The following ACO2 variants were observed in gnomAD, a reference collection of about 807,000 sequenced individuals.
The protein encoded by ACO2 is aconitate hydratase, mitochondrial.
ACO2 carries 31 observed loss-of-function variants against 84.5 expected under a neutral mutation model. That is an observed-to-expected ratio of 0.37 (90% CI 0.28 to 0.50). The LOEUF (loss-of-function observed/expected upper bound fraction) is 0.50. Among genes scored for constraint, ACO2 ranks in the 20% least tolerant of loss-of-function variants. The pLI, the probability that ACO2 is intolerant of heterozygous loss-of-function variation, is 0.97. For synonymous variants in ACO2, 414 were observed against 412.7 expected (o/e 1.00, Z -0.04); for missense variants, 685 against 1,029.3 (o/e 0.67, Z 4.58).
intron 2 of ACO2, among the ~76,000 whole-genome samples, chr22:41,507,074 G>A (rs556782886): frequency 6.6e-6 from 1 of 152,218 alleles, no homozygotes; most frequent in African/African-American, 2.4e-5. Context: ...GCTCTGATGA[G>A]GAAGGGAGGG....
chr22:41,481,699 G>A (rs572857669), intron 1 of ACO2, among the ~76,000 whole-genome samples: 69 of 152,302 alleles, frequency 4.5e-4, no homozygotes, highest in South Asian at 4.1e-3. Context: ...CTCTGAACCC[G>A]TGCTGTTGCT....
In ACO2 at chr22:41,520,238, T is replaced by C. The variant is rs1252587754; in HGVS notation, c.1100T>C (p.Val367Ala). The C allele has an allele frequency of 6.2e-7, 1 of 1,613,960 alleles. No homozygotes were observed. Among genetic ancestry groups the C allele is most frequent in the Admixed American group, 1.7e-5 (1 of 60,006 alleles). ...CACCCTGTGGCAGAAGTGGGCAAGG[T>C]GGCAGAGAAGGAAGGATGGCCTCTG... ...LAHPVAEVGKVAEKEGWPLDI... is the reference protein window; with the variant it reads ...LAHPVAEVGKAAEKEGWPLDI... Residue 367 changes from valine (V) to alanine (A), a missense_variant, in exon 9 of 18, where the codon GTG becomes GCG. Val to Ala is a moderately conservative substitution (Grantham distance 64). Around this residue, in one of 5 missense-constraint regions of ACO2, gnomAD observed 311 missense variants for 441.6 expected, o/e 0.70. Coordinates refer to ENST00000216254, the MANE Select transcript of ACO2 (RefSeq NM_001098.3).
At chr22:41,512,671 A>G (rs2066443130) in intron 4 of ACO2, among the ~76,000 whole-genome samples, 1 of 152,186 alleles carries the variant, frequency 6.6e-6, no homozygotes, top group African/African-American at 2.4e-5. Context: ...GGGTGAAGGT[A>G]CCATAGGTCA....
At chr22:41,471,590 C>G (rs1249291569) in intron 1 of ACO2, among the ~76,000 whole-genome samples, 2 of 152,148 alleles carry the variant, frequency 1.3e-5, no homozygotes, top group Non-Finnish European at 2.9e-5. Flanking sequence ...GTGGAGCTTC[C>G]ACTGTATTCT....
Position 41,525,055 on chromosome 22 carries a change from G to C in ACO2, c.1605+87G>C, listed in dbSNP as rs2066568331. On this transcript the variant is annotated intron_variant, in intron 13 of 17. Transcript: ENST00000216254. The stretch of plus-strand genomic sequence containing the variant: ...TCACAGCACCTCCTGTGCAGGCAGG[G>C]AGGGCGCTGCTAGTGAGAAGGAAGC... 1.9e-6 allele frequency: 3 copies of C among 1,607,454 alleles called. No individual in the cohort carries two copies. In the Admixed American group the frequency reaches 5.0e-5, roughly 27 times the overall value.
intron 1 of ACO2, among the ~76,000 whole-genome samples, chr22:41,495,989 GCTGT>G (rs1384839441): frequency 6.6e-6 from 1 of 152,066 alleles, no homozygotes; most frequent in Non-Finnish European, 1.5e-5. Flanking sequence ...ACATTGGAAA[GCTGT>G]CTGAGATTTG....
intron 11 of ACO2, 101 bp from the exon 12 acceptor site, chr22:41,523,729 G>A: frequency 9.2e-7 from 1 of 1,089,614 alleles, no homozygotes; most frequent in Admixed American, 1.8e-5. Context: ...CTCGGTAGGA[G>A]CTAGGCTGGG....
At chr22:41,496,893 G>T (rs1304849784) in intron 1 of ACO2, among the ~76,000 whole-genome samples, 1 of 151,974 alleles carries the variant, frequency 6.6e-6, no homozygotes, top group Non-Finnish European at 1.5e-5. Flanking sequence ...GGCTGCTCTG[G>T]GTACATACTG....
chr22:41,520,045 A>G, intron 8 of ACO2, 126 bp from the exon 9 acceptor site: 3 of 752,666 alleles, frequency 4.0e-6, no homozygotes, highest in Non-Finnish European at 6.6e-6. Flanking sequence ...CCCTGTGATG[A>G]GGTTTCAGTC....
At position 41,524,952 on chromosome 22, in the gene ACO2, A is replaced by T. The variant is rs2146139199; in HGVS notation, c.1589A>T (p.Asp530Val). Residue 530 changes from aspartate (D) to valine (V), a missense_variant, in exon 13 of 18, where the codon GAT becomes GTT. This residue lies in a region of ACO2 where 311 missense variants were observed against 441.6 expected (regional missense o/e 0.70). Coordinates refer to ENST00000216254, the MANE Select transcript of ACO2 (RefSeq NM_001098.3). ...KKFRLEAPDA[D>V]ELPKGEFDPG... ...TTCAGGCTGGAGGCTCCGGATGCAG[A>T]TGAGCTTCCCAAAGGGGTGAGCGCC... 1 of 1,614,186 alleles carries T rather than the reference A, an allele frequency of 6.2e-7. No individual in the cohort carries two copies. The highest frequency in any genetic ancestry group is 2.2e-5 in the East Asian group (1 of 44,890).
intron 1 of ACO2, 116 bp downstream of exon 1, chr22:41,469,298 C>A: frequency 7.7e-7 from 1 of 1,305,756 alleles, no homozygotes. Context: ...TCTCGTGTAC[C>A]TGTCCCGGTT....
intron 1 of ACO2, among the ~76,000 whole-genome samples, chr22:41,470,827 GCCA>G (rs952057434): frequency 9.2e-5 from 14 of 152,250 alleles, no homozygotes; most frequent in Admixed American, 4.6e-4. Context: ...ACAGGTGTGA[GCCA>G]CCACACCTGG....
intron 1 of ACO2, among the ~76,000 whole-genome samples, chr22:41,493,897 A>G (rs184527593): frequency 7.7e-4 from 117 of 152,290 alleles, no homozygotes; most frequent in African/African-American, 2.8e-3. Context: ...CCTCTCTACT[A>G]AAAGTACAAA....
intron 1 of ACO2, among the ~76,000 whole-genome samples, chr22:41,493,401 C>A (rs2066288918): frequency 6.6e-6 from 1 of 152,134 alleles, no homozygotes. Flanking sequence ...ATGGCCCCCT[C>A]TTTTAACAGT....
chr22:41,469,368 G>A (rs2037911696), intron 1 of ACO2, 186 bp downstream of exon 1: 6 of 612,608 alleles, frequency 9.8e-6, no homozygotes, highest in African/African-American at 1.9e-5. Flanking sequence ...CCCCGGCACA[G>A]TCAGCTTTCC....
At chr22:41,486,639 T>A (rs917896225) in intron 1 of ACO2, among the ~76,000 whole-genome samples, 13 of 150,774 alleles carry the variant, frequency 8.6e-5, no homozygotes, top group African/African-American at 3.2e-4. Flanking sequence ...CCCGGCCAAT[T>A]TTTTGTATTT....
intron 12 of ACO2, among the ~76,000 whole-genome samples, chr22:41,524,433 GTTGT>G (rs1183468020): frequency 1.3e-5 from 2 of 152,206 alleles, no homozygotes; most frequent in Non-Finnish European, 2.9e-5. Flanking sequence ...TCTTGACTTG[GTTGT>G]TTATCTGCGT....
At position 41,498,713 on chromosome 22, in the gene ACO2, G is replaced by A. The variant is rs1349202187; in HGVS notation, c.37-1013G>A. On this transcript the variant is annotated intron_variant, in intron 1 of 17. Transcript: ENST00000216254. ...AAGAGAGAGAGCAAGCCAGGCAGAA[G>A]CTGTTCTTCTTATGACCTAGTCTCA... 3.3e-5 allele frequency among the ~76,000 whole-genome samples: 5 copies of A among 152,360 alleles called. No homozygotes were observed. In the East Asian group the frequency reaches 9.6e-4, roughly 29 times the overall value.
intron 1 of ACO2, among the ~76,000 whole-genome samples, chr22:41,474,080 T>G (rs2037978565): frequency 6.6e-6 from 1 of 152,028 alleles, no homozygotes; most frequent in South Asian, 2.1e-4. Context: ...GGGGGACTGT[T>G]GGAGTCATCC....
Sources: gnomAD v4.1 joint callset for allele counts (sites outside exome capture counted in the v4.1 genomes callset) on GRCh38, gnomAD v4.1.1 for gene constraint, gnomAD v4.1.1 regional missense constraint, MANE v1.5 for transcripts, NCBI Gene and HGNC (gene_info 2026-07-23, HGNC 2026-07-21) for gene names.